Variants in SMAD4 observed in about 807,000 individuals in gnomAD.
The protein encoded by SMAD4 is MAD homolog 4.
A neutral mutation model predicts 63.2 loss-of-function variants in SMAD4; 7 were observed. That is an observed-to-expected ratio of 0.11 (90% CI 0.06 to 0.21). The LOEUF (loss-of-function observed/expected upper bound fraction) is 0.21, where lower values mean the gene tolerates loss of function less well. Among genes scored for constraint, SMAD4 ranks in the 10% least tolerant of loss-of-function variants. The pLI, the probability that SMAD4 is intolerant of heterozygous loss-of-function variation, is 1.00. For synonymous variants in SMAD4, 215 were observed against 235.4 expected (o/e 0.91, Z 0.79); for missense variants, 312 against 693.8 (o/e 0.45, Z 6.18).
intron 5 of SMAD4, 88 bp downstream of exon 5, chr18:51,055,081 G>T: frequency 1.1e-6 from 1 of 946,772 alleles, no homozygotes; most frequent in Non-Finnish European, 1.7e-6. Context: ...GAAACTCCAA[G>T]TAAGTAAACA....
intron 1 of SMAD4, among the ~76,000 whole-genome samples, chr18:51,045,995 G>A (rs576199753): frequency 4.9e-4 from 75 of 152,060 alleles, no homozygotes; most frequent in Middle Eastern, 6.8e-3. Context: ...ATAATATTTC[G>A]TTGTATGGAA....
chr18:51,068,053 TG>T (rs1463332563), intron 10 of SMAD4, among the ~76,000 whole-genome samples: 3 of 152,196 alleles, frequency 2.0e-5, no homozygotes, highest in African/African-American at 7.2e-5. Flanking sequence ...GATTGTAAAT[TG>T]GTAGAATTAA....
At chr18:51,066,932 C>CGGTAGCCACTAGCCACATGT in intron 9 of SMAD4, 87 bp from the exon 10 acceptor site, 1 of 999,916 alleles carries the variant, frequency 1.0e-6, no homozygotes, top group African/African-American at 1.6e-5. Flanking sequence ...TTTAATTTTT[C>CGGTAGCCACTAGCCACATGT]AATATTAAGC....
intron 4 of SMAD4, chr18:51,049,597 T>C (rs1297740734): frequency 2.0e-5 from 8 of 400,698 alleles, no homozygotes; most frequent in Admixed American, 4.1e-5. Flanking sequence ...AAAACAAATA[T>C]AAAGAATATT....
At position 51,081,132 on chromosome 18, in the gene SMAD4, A is replaced by C. The variant is rs1169892161; in HGVS notation, c.*2665A>C. On this transcript the variant is annotated 3_prime_UTR_variant, in exon 12 of 12. Coordinates refer to ENST00000342988, the MANE Select transcript of SMAD4 (RefSeq NM_005359.6). ...TTCTTAGTGGTAGTCATCTTTGATG[A>C]ATAAGACTAAAGATTCTCACAGGTT... 4.5e-6 allele frequency: 1 copy of C among 219,842 alleles called. No individual in the cohort carries two copies. The highest frequency in any genetic ancestry group is 2.2e-5 in the African/African-American group (1 of 44,612). 13.6% of individuals were successfully genotyped at this position (219,842 alleles called of 1,614,324 possible).
chr18:51,054,892 G>A lies in SMAD4; in HGVS notation c.566G>A (p.Arg189His), dbSNP rs759288477. ...IQTIQHPPSNRASTETYSTPA... is the reference protein window; with the variant it reads ...IQTIQHPPSNHASTETYSTPA... ...ACCATCCAGCATCCACCAAGTAATCGTGCATCGACAGAGACATACAGCACC... is the reference window on the plus strand; with the variant it reads ...ACCATCCAGCATCCACCAAGTAATCATGCATCGACAGAGACATACAGCACC... The change falls in exon 5 of 12, where the codon CGT becomes CAT. Residue 189 changes from arginine (R) to histidine (H), a missense_variant. Coordinates refer to ENST00000342988, the MANE Select transcript of SMAD4 (RefSeq NM_005359.6). 1.2e-5 allele frequency: 20 copies of A among 1,613,888 alleles called. No individual in the cohort carries two copies. The highest frequency in any genetic ancestry group is 1.6e-5 in the Non-Finnish European group (19 of 1,179,942).
intron 1 of SMAD4, among the ~76,000 whole-genome samples, chr18:51,043,396 T>C (rs755513526): frequency 5.9e-5 from 9 of 152,208 alleles, no homozygotes; most frequent in Non-Finnish European, 1.3e-4. Context: ...ATTTTATAGA[T>C]GAGAGAATTG....
chr18:51,066,178 C>T (rs1207832108), intron 9 of SMAD4, among the ~76,000 whole-genome samples: 2 of 151,716 alleles, frequency 1.3e-5, no homozygotes, highest in Non-Finnish European at 2.9e-5. Flanking sequence ...ATGGTGAAAC[C>T]CTGTCTCTAC....
At chr18:51,059,106 T>G (rs1349437100) in intron 7 of SMAD4, among the ~76,000 whole-genome samples, 1 of 152,220 alleles carries the variant, frequency 6.6e-6, no homozygotes, top group African/African-American at 2.4e-5. Context: ...ACTTCTAATA[T>G]TTTGTTATTT....
intron 10 of SMAD4, among the ~76,000 whole-genome samples, chr18:51,073,384 TATATACACACAC>T (rs1240089665): frequency 4.3e-4 from 37 of 85,734 alleles, no homozygotes; most frequent in African/African-American, 1.6e-3. Context: ...TATATATATA[TATATACACACAC>T]ACACACACAC....
chr18:51,060,909 AT>A (rs1909993390), intron 8 of SMAD4, among the ~76,000 whole-genome samples: 1 of 151,468 alleles, frequency 6.6e-6, no homozygotes, highest in Non-Finnish European at 1.5e-5. Flanking sequence ...TTATTTATTT[AT>A]TTATTTTTTT....
At chr18:51,067,878 A>G (rs1910206949) in intron 10 of SMAD4, among the ~76,000 whole-genome samples, 1 of 152,244 alleles carries the variant, frequency 6.6e-6, no homozygotes, top group Non-Finnish European at 1.5e-5. Flanking sequence ...AGCTTTTCAA[A>G]TTAAGAACCT....
At chr18:51,073,386 T>C (rs866166466) in intron 10 of SMAD4, among the ~76,000 whole-genome samples, 109 of 82,046 alleles carry the variant, frequency 1.3e-3, no homozygotes, top group African/African-American at 5.4e-3. Context: ...TATATATATA[T>C]ATACACACAC....
intron 1 of SMAD4, among the ~76,000 whole-genome samples, chr18:51,033,199 T>C (rs1392749657): frequency 6.7e-6 from 1 of 149,976 alleles, no homozygotes; most frequent in African/African-American, 2.5e-5. Flanking sequence ...TTTTTTTTTT[T>C]TTTTTTTTGA....
chr18:51,058,070 A>C, intron 5 of SMAD4, 55 bp from the exon 6 acceptor site: 2 of 1,606,250 alleles, frequency 1.2e-6, no homozygotes, highest in South Asian at 1.1e-5. Flanking sequence ...TAGTATATGA[A>C]ATCATAAGAT....
intron 1 of SMAD4, among the ~76,000 whole-genome samples, chr18:51,041,652 A>G (rs921433326): frequency 6.6e-6 from 1 of 152,170 alleles, no homozygotes; most frequent in Non-Finnish European, 1.5e-5. Context: ...CCAGTCAAAC[A>G]TGAGCAGAAG....
Position 51,039,659 on chromosome 18 carries a change from G to C in SMAD4, c.-127-7261G>C, listed in dbSNP as rs1909316155. ...TGGGGAGATTCTCCTTGGAAAATCA[G>C]ACTGCTGTTTTACAAATGGAGAAAT... On this transcript the variant is annotated intron_variant, in intron 1 of 11. Coordinates refer to ENST00000342988, the MANE Select transcript of SMAD4 (RefSeq NM_005359.6). Among the ~76,000 whole-genome samples the C allele has an allele frequency of 1.3e-5, 2 of 152,090 alleles. 1 individual carries two copies. The highest frequency in any genetic ancestry group is 2.9e-5 in the Non-Finnish European group (2 of 68,014).
At chr18:51,039,140 C>A (rs1909297127) in intron 1 of SMAD4, among the ~76,000 whole-genome samples, 1 of 152,160 alleles carries the variant, frequency 6.6e-6, no homozygotes, top group African/African-American at 2.4e-5. Flanking sequence ...ATCCTGAGAT[C>A]AGAGAGTTTG....
chr18:51,058,288 A>G (rs2144428044), intron 6 of SMAD4, 44 bp downstream of exon 6: 1 of 1,611,074 alleles, frequency 6.2e-7, no homozygotes, highest in Non-Finnish European at 8.5e-7. Flanking sequence ...TTGAGAAAAA[A>G]GTAGGCAGCC....
Sources: gnomAD v4.1 joint callset for allele counts (sites outside exome capture counted in the v4.1 genomes callset) on GRCh38, gnomAD v4.1.1 for gene constraint, MANE v1.5 for transcripts, NCBI Gene and HGNC (gene_info 2026-07-23, HGNC 2026-07-21) for gene names.